Variants in NOL4 observed in about 807,000 individuals in gnomAD.
The protein encoded by NOL4 is nucleolar protein 4.
NOL4 carries 17 observed loss-of-function variants against 75.9 expected under a neutral mutation model. The ratio of observed to expected loss-of-function variants is 0.22; its 90% CI spans 0.15 to 0.34. The LOEUF (loss-of-function observed/expected upper bound fraction) is 0.34, where lower values mean the gene tolerates loss of function less well. NOL4 is among the 10% of genes least tolerant of loss of function. The pLI is 1.00. For missense variants in NOL4, 614 were observed against 793.5 expected (o/e 0.77, Z 2.72); for synonymous variants, 292 against 289.9 (o/e 1.01, Z -0.07).
At chr18:34,109,723 G>C (rs1273593398) in intron 2 of NOL4, among the ~76,000 whole-genome samples, 3 of 151,716 alleles carry the variant, frequency 2.0e-5, no homozygotes, top group Admixed American at 1.3e-4. Context: ...AATGAAACTT[G>C]AGTTATTTAT....
At chr18:34,220,533 C>G (rs188387847) in intron 1 of NOL4, among the ~76,000 whole-genome samples, 4 of 151,850 alleles carry the variant, frequency 2.6e-5, no homozygotes, top group Non-Finnish European at 5.9e-5. Context: ...CTCCTACCAT[C>G]GGAAAGAAAA....
chr18:34,213,625 A>G lies in NOL4; in HGVS notation c.264+9365T>C, dbSNP rs1600897727. Among the ~76,000 whole-genome samples, 3 of 152,174 alleles carry G rather than the reference A, an allele frequency of 2.0e-5. No individual in the cohort carries two copies. The East Asian group carries it at 5.8e-4, about 29-fold the overall frequency. On this transcript the variant is annotated intron_variant, in intron 1 of 10. Transcript: ENST00000261592. Reference sequence around the variant, plus strand: ...AATGAATTAATGTCATGATCTCTGGAGTGAGTTCCTAATAAAATAATGCGT... The same window carrying G: ...AATGAATTAATGTCATGATCTCTGGGGTGAGTTCCTAATAAAATAATGCGT...
chr18:33,946,188 A>T (rs1053457001), intron 8 of NOL4, among the ~76,000 whole-genome samples: 2 of 151,690 alleles, frequency 1.3e-5, no homozygotes, highest in African/African-American at 4.8e-5. Context: ...ACAATCAAAA[A>T]ATTATATTTT....
chr18:33,916,625 T>C (rs180686679), intron 9 of NOL4, among the ~76,000 whole-genome samples: 2 of 152,314 alleles, frequency 1.3e-5, no homozygotes, highest in African/African-American at 4.8e-5. Flanking sequence ...CAATGCTTAT[T>C]TACTTTAATG....
chr18:34,137,078 C>T (rs2080922267), intron 1 of NOL4, among the ~76,000 whole-genome samples: 2 of 151,966 alleles, frequency 1.3e-5, no homozygotes, highest in African/African-American at 4.8e-5. Context: ...ACAAATAATG[C>T]CAGGACAACT....
intron 1 of NOL4, among the ~76,000 whole-genome samples, chr18:34,177,060 GAC>G (rs1251018334): frequency 1.3e-5 from 2 of 151,662 alleles, no homozygotes; most frequent in Non-Finnish European, 2.9e-5. Context: ...TGCAGCAACA[GAC>G]AAATAGGCGA....
intron 1 of NOL4, among the ~76,000 whole-genome samples, chr18:34,219,188 T>C (rs914873201): frequency 2.6e-5 from 4 of 152,192 alleles, no homozygotes; most frequent in Non-Finnish European, 5.9e-5. Context: ...AAGACCTGTA[T>C]TGGAATAAAT....
intron 5 of NOL4, among the ~76,000 whole-genome samples, chr18:34,066,181 TA>T (rs1294676592): frequency 6.6e-6 from 1 of 151,972 alleles, no homozygotes; most frequent in Non-Finnish European, 1.5e-5. Flanking sequence ...ATAATAGGTA[TA>T]AATAATTTAA....
At chr18:34,210,819 A>T (rs903339144) in intron 1 of NOL4, among the ~76,000 whole-genome samples, 1 of 152,246 alleles carries the variant, frequency 6.6e-6, no homozygotes, top group African/African-American at 2.4e-5. Context: ...TTTACAACAA[A>T]GTAATGCAAA....
chr18:33,904,394 G>A (rs920152842), intron 9 of NOL4, among the ~76,000 whole-genome samples: 2 of 151,904 alleles, frequency 1.3e-5, no homozygotes, highest in African/African-American at 2.4e-5. Context: ...CCTTGGCCAA[G>A]GGAGCCCCAG....
chr18:34,122,163 C>G (rs1025553014), intron 2 of NOL4, among the ~76,000 whole-genome samples: 3 of 152,094 alleles, frequency 2.0e-5, no homozygotes, highest in Non-Finnish European at 4.4e-5. Context: ...CTAAATTCAG[C>G]TGAGGAAAGT....
At chr18:33,933,855 C>T (rs1355805982) in intron 9 of NOL4, among the ~76,000 whole-genome samples, 1 of 152,088 alleles carries the variant, frequency 6.6e-6, no homozygotes, top group Non-Finnish European at 1.5e-5. Context: ...TTGACCTCCT[C>T]CCATGAATCG....
chr18:34,156,045 A>G (rs2030329977), intron 1 of NOL4, among the ~76,000 whole-genome samples: 2 of 152,208 alleles, frequency 1.3e-5, no homozygotes, highest in African/African-American at 4.8e-5. Flanking sequence ...CCTGTTTGTC[A>G]GAATATTTCC....
intron 5 of NOL4, among the ~76,000 whole-genome samples, chr18:34,037,081 C>A (rs2075939212): frequency 6.6e-6 from 1 of 152,096 alleles, no homozygotes; most frequent in Admixed American, 6.6e-5. Flanking sequence ...AGTAGAATTG[C>A]AGAATACAAA....
intron 5 of NOL4, among the ~76,000 whole-genome samples, chr18:34,043,043 C>T (rs1414806651): frequency 6.6e-6 from 1 of 152,016 alleles, no homozygotes; most frequent in Non-Finnish European, 1.5e-5. Flanking sequence ...ACATGTGTTA[C>T]AAATAAATGA....
intron 1 of NOL4, among the ~76,000 whole-genome samples, chr18:34,147,319 C>T (rs1377602640): frequency 6.6e-6 from 1 of 151,958 alleles, no homozygotes; most frequent in East Asian, 1.9e-4. Flanking sequence ...AATGCTTCCA[C>T]TTTTTGCCCA....
rs565349612 is a variant in NOL4 at position 33,860,939 on chromosome 18, T to C, written c.1724-7904A>G. 2.2e-4 allele frequency among the ~76,000 whole-genome samples: 34 copies of C among 152,314 alleles called. 1 individual carries two copies. The East Asian group carries it at 6.4e-3, about 29-fold the overall frequency. On this transcript the variant is annotated intron_variant, in intron 10 of 10. Coordinates refer to ENST00000261592, the MANE Select transcript of NOL4 (RefSeq NM_003787.5). ...CTGTTTATATGCTGGATTACATTTA[T>C]TGATTTGCCTATATTGAACCAGACT...
intron 8 of NOL4, among the ~76,000 whole-genome samples, chr18:33,945,505 T>C (rs1269710746): frequency 6.6e-6 from 1 of 151,752 alleles, no homozygotes; most frequent in Non-Finnish European, 1.5e-5. Flanking sequence ...GTAAAAGTTG[T>C]TATGCATAAT....
intron 4 of NOL4, among the ~76,000 whole-genome samples, chr18:34,095,604 C>T (rs1006978636): frequency 1.3e-5 from 2 of 152,080 alleles, no homozygotes; most frequent in African/African-American, 4.8e-5. Flanking sequence ...GCTGCTCTCA[C>T]AGAGTCACAT....
Sources: allele counts gnomAD v4.1 joint callset (sites outside exome capture counted in the v4.1 genomes callset), GRCh38; gene constraint gnomAD v4.1.1; transcripts MANE v1.5; gene names NCBI Gene and HGNC (gene_info 2026-07-23, HGNC 2026-07-21).